BCO1: variants seen among roughly 807,000 people sequenced by gnomAD.
BCO1 encodes beta-carotene oxygenase 1.
BCO1 carries 54 observed loss-of-function variants against 56.3 expected under a neutral mutation model. The ratio of observed to expected loss-of-function variants is 0.96; its 90% CI spans 0.77 to 1.20. The LOEUF (loss-of-function observed/expected upper bound fraction) is 1.20. Among genes scored for constraint, BCO1 ranks in the 50% most tolerant of loss-of-function variants. BCO1 has a pLI of 0.00. For missense variants in BCO1, 801 were observed against 690.9 expected, an observed-to-expected ratio of 1.16 and a Z score of -1.79; for synonymous variants, 318 against 266.1, an observed-to-expected ratio of 1.20 and a Z score of -1.90.
At chr16:81,282,621 A>C (rs1284101362) in intron 8 of BCO1, among the ~76,000 whole-genome samples, 1 of 151,782 alleles carries the variant, frequency 6.6e-6, no homozygotes, top group Non-Finnish European at 1.5e-5. Flanking sequence ...AGATGATGCC[A>C]GGTCTGAAGG....
intron 2 of BCO1, among the ~76,000 whole-genome samples, chr16:81,256,218 C>A (rs948001291): frequency 1.3e-5 from 2 of 152,004 alleles, no homozygotes; most frequent in African/African-American, 4.8e-5. Context: ...GTGCCCAGCA[C>A]AGTGTTTAGC....
At chr16:81,245,452 C>G (rs975016762) in intron 1 of BCO1, 23 bp from the exon 2 acceptor site, 1 of 1,614,190 alleles carries the variant, frequency 6.2e-7, no homozygotes, top group African/African-American at 1.3e-5. Flanking sequence ...AAACGGGAAA[C>G]TAAACATTCT....
chr16:81,287,075 CA>C (rs1319518160), intron 9 of BCO1, among the ~76,000 whole-genome samples: 1 of 150,812 alleles, frequency 6.6e-6, no homozygotes, highest in African/African-American at 2.4e-5. Context: ...AACTCCGTCT[CA>C]AAAAACAAAC....
chr16:81,277,241 G>A (rs573793832), intron 7 of BCO1, among the ~76,000 whole-genome samples: 1 of 152,252 alleles, frequency 6.6e-6, no homozygotes, highest in Admixed American at 6.5e-5. Flanking sequence ...CAGAAGGTTG[G>A]TGGGCCTCCA....
At chr16:81,242,406 G>C (rs1905170496) in intron 1 of BCO1, among the ~76,000 whole-genome samples, 2 of 151,962 alleles carry the variant, frequency 1.3e-5, no homozygotes, top group South Asian at 4.2e-4. Flanking sequence ...TCACCATATT[G>C]GCCAGGCTAG....
At chr16:81,257,872 T>G (rs1252880866) in intron 2 of BCO1, among the ~76,000 whole-genome samples, 6 of 137,000 alleles carry the variant, frequency 4.4e-5, no homozygotes, top group African/African-American at 1.7e-4. Flanking sequence ...AGAGTGAGAC[T>G]CCATCTCAAA....
rs1227433887 is a variant in BCO1, at chr16:81,290,148, C to T, written c.1415-200C>T. Among the ~76,000 whole-genome samples, 7 of 152,326 alleles carry T rather than the reference C, an allele frequency of 4.6e-5. No individual in the cohort carries two copies. The East Asian group carries it at 1.4e-3, about 29-fold the overall frequency. ...AAAGTGGCGGGATTACAGGCGTGAG[C>T]CACCGCGCCCGGCCTAGAACCAGGT... On this transcript the variant is annotated intron_variant, in intron 10 of 10. Coordinates refer to ENST00000258168, the MANE Select transcript of BCO1 (RefSeq NM_017429.3).
intron 7 of BCO1, among the ~76,000 whole-genome samples, chr16:81,279,729 A>G (rs973820748): frequency 6.6e-6 from 1 of 152,186 alleles, no homozygotes; most frequent in Non-Finnish European, 1.5e-5. Flanking sequence ...ATCATGCTAA[A>G]TCCCTCCCCT....
intron 8 of BCO1, among the ~76,000 whole-genome samples, chr16:81,281,584 A>G (rs550755058): frequency 6.6e-6 from 1 of 152,290 alleles, no homozygotes; most frequent in South Asian, 2.1e-4. Context: ...CATCCACAAT[A>G]TCCTGCAAAA....
intron 2 of BCO1, among the ~76,000 whole-genome samples, chr16:81,247,117 C>G (rs1267942964): frequency 6.6e-6 from 1 of 152,130 alleles, no homozygotes; most frequent in Non-Finnish European, 1.5e-5. Flanking sequence ...TTAAAGAGGT[C>G]CAGGATGGAT....
intron 8 of BCO1, among the ~76,000 whole-genome samples, chr16:81,284,647 T>C (rs1908070644): frequency 1.3e-5 from 2 of 152,102 alleles, no homozygotes; most frequent in Admixed American, 1.3e-4. Flanking sequence ...CATTCTGTTT[T>C]ATTTTTTAGT....
intron 8 of BCO1, 42 bp downstream of exon 8, chr16:81,281,004 AT>A (rs781613079): frequency 6.9e-7 from 1 of 1,453,400 alleles, no homozygotes; most frequent in Non-Finnish European, 9.6e-7. Context: ...AAAGGGGCAG[AT>A]TTTCACAGGG....
intron 2 of BCO1, among the ~76,000 whole-genome samples, chr16:81,250,408 A>G (rs1210910886): frequency 2.0e-5 from 3 of 150,570 alleles, no homozygotes; most frequent in African/African-American, 7.4e-5. Flanking sequence ...CTCCTCTAGG[A>G]CTCTCCGTGG....
intron 7 of BCO1, among the ~76,000 whole-genome samples, chr16:81,274,508 C>G (rs919704275): frequency 3.3e-5 from 5 of 152,114 alleles, no homozygotes; most frequent in Non-Finnish European, 7.4e-5. Context: ...TCGTGATCCG[C>G]CTGCCTCAGC....
chr16:81,277,668 C>T (rs183219800), intron 7 of BCO1, among the ~76,000 whole-genome samples: 17 of 152,264 alleles, frequency 1.1e-4, no homozygotes, highest in Non-Finnish European at 1.6e-4. Flanking sequence ...AGGCAGCATT[C>T]TAGGGGATGA....
intron 1 of BCO1, among the ~76,000 whole-genome samples, chr16:81,243,066 G>T (rs2151924546): frequency 6.6e-6 from 1 of 152,262 alleles, no homozygotes; most frequent in Non-Finnish European, 1.5e-5. Flanking sequence ...GAAGATGGGT[G>T]CCTGCCAGGG....
intron 8 of BCO1, among the ~76,000 whole-genome samples, chr16:81,282,623 G>T (rs1302591398): frequency 6.6e-6 from 1 of 151,338 alleles, no homozygotes; most frequent in Non-Finnish European, 1.5e-5. Context: ...ATGATGCCAG[G>T]TCTGAAGGCA....
intron 8 of BCO1, among the ~76,000 whole-genome samples, chr16:81,282,090 G>A (rs1176777723): frequency 6.6e-6 from 1 of 152,170 alleles, no homozygotes; most frequent in Non-Finnish European, 1.5e-5. Context: ...TTTCAACTGA[G>A]CGCATTGGCT....
At chr16:81,265,538 C>T (rs1906761501) in intron 5 of BCO1, among the ~76,000 whole-genome samples, 1 of 141,326 alleles carries the variant, frequency 7.1e-6, no homozygotes, top group Non-Finnish European at 1.5e-5. Context: ...ATCCATCAAC[C>T]CATTCACTTA....
Sources: allele counts gnomAD v4.1 joint callset (sites outside exome capture counted in the v4.1 genomes callset), GRCh38; gene constraint gnomAD v4.1.1; transcripts MANE v1.5; gene names NCBI Gene and HGNC (gene_info 2026-07-23, HGNC 2026-07-21).